The following ZER1 variants were observed in gnomAD, a reference collection of about 807,000 sequenced individuals.
The protein encoded by ZER1 is protein zer-1 homolog.
ZER1 carries 11 observed loss-of-function variants against 78.8 expected under a neutral mutation model. The ratio of observed to expected loss-of-function variants is 0.14; its 90% CI spans 0.09 to 0.23. ZER1 has a LOEUF of 0.23. Ranked by LOEUF, ZER1 falls within the 10% of genes least tolerant of loss-of-function variation. The pLI is 1.00. For synonymous variants in ZER1, 400 were observed against 407.0 expected (o/e 0.98, Z 0.21); for missense variants, 588 against 996.9 (o/e 0.59, Z 5.52).
intron 1 of ZER1, among the ~76,000 whole-genome samples, chr9:128,757,598 A>C (rs562724892): frequency 5.7e-4 from 87 of 152,306 alleles, no homozygotes; most frequent in Non-Finnish European, 9.4e-4. Flanking sequence ...AAACATGTGA[A>C]AAGCACTCAG....
At chr9:128,744,789 T>A (rs1228305797) in intron 8 of ZER1, among the ~76,000 whole-genome samples, 2 of 152,222 alleles carry the variant, frequency 1.3e-5, no homozygotes, top group East Asian at 3.8e-4. Context: ...GGCCCCCGCT[T>A]TTTATAGAGA....
chr9:128,734,144 A>T (rs866614541), intron 14 of ZER1, among the ~76,000 whole-genome samples: 1,441 of 14,084 alleles, frequency 0.1, 416 homozygotes, highest in South Asian at 0.3. Context: ...AAAAAAAAAA[A>T]ATATATATAT....
intron 1 of ZER1, among the ~76,000 whole-genome samples, chr9:128,760,214 T>G (rs764459429): frequency 6.6e-6 from 1 of 151,304 alleles, no homozygotes; most frequent in Non-Finnish European, 1.5e-5. Context: ...AAGTTTTTTA[T>G]TTTTTTGAGA....
In ZER1 at chr9:128,732,532, G is replaced by C. The variant is rs1589510381; in HGVS notation, c.2243+894C>G. Among the ~76,000 whole-genome samples, 1 of 152,248 alleles carries C rather than the reference G, an allele frequency of 6.6e-6. No individual in the cohort carries two copies. Among genetic ancestry groups the C allele is most frequent in the South Asian group, 2.1e-4 (1 of 4,824 alleles). ...TTACAGGCACGTACCACCACGCCGA[G>C]CTAATTTTTGTATTTTTAGTAGAGA... On this transcript the variant is annotated intron_variant, in intron 15 of 15. Coordinates refer to ENST00000291900, the MANE Select transcript of ZER1 (RefSeq NM_006336.4). The surrounding 1 kb of genome is among the most constrained non-coding windows in gnomAD (Gnocchi z 4.8).
chr9:128,751,070 A>C lies in ZER1; in HGVS notation c.1185+52T>G. 1 of 1,539,248 alleles carries C rather than the reference A, an allele frequency of 6.5e-7. No individual in the cohort carries two copies. The highest frequency in any genetic ancestry group is 8.8e-7 in the Non-Finnish European group (1 of 1,140,200). On this transcript the variant is annotated intron_variant, in intron 7 of 15. Coordinates refer to ENST00000291900, the MANE Select transcript of ZER1 (RefSeq NM_006336.4). This position sits in a 1 kb window ranked among gnomAD's most constrained non-coding sequence, Gnocchi z 5.4. ...GGGACACGGCTCAGCCAAGCCCGGC[A>C]ACCTCCAGGTGGGGAGGGACAGGAG... is the stretch of plus-strand genomic sequence containing the variant.
chr9:128,731,988 C>T (rs1327874989), intron 15 of ZER1, among the ~76,000 whole-genome samples: 1 of 152,212 alleles, frequency 6.6e-6, no homozygotes, highest in African/African-American at 2.4e-5. Context: ...TCACCTTGGA[C>T]CCCGGACAGC....
At chr9:128,766,838 T>C (rs1294268119) in intron 1 of ZER1, among the ~76,000 whole-genome samples, 8 of 80,248 alleles carry the variant, frequency 1.0e-4, no homozygotes, top group Admixed American at 1.8e-4. Context: ...AGAGCAAGAT[T>C]CCGTCTCAAA....
In ZER1 at chr9:128,755,045, C is replaced by T. The variant is rs1403326738; in HGVS notation, c.158+363G>A. Among the ~76,000 whole-genome samples the T allele has an allele frequency of 6.6e-6, 1 of 152,206 alleles. No homozygotes were observed. Among genetic ancestry groups the T allele is most frequent in the Non-Finnish European group, 1.5e-5 (1 of 68,022 alleles). On this transcript the variant is annotated intron_variant, in intron 2 of 15. Transcript: ENST00000291900. This position sits in a 1 kb window ranked among gnomAD's most constrained non-coding sequence, Gnocchi z 5.6. ...GTATGTGCATGTGAATGTACATACA[C>T]GTGTGGGGCAACACTTAATTCCTTC...
chr9:128,741,903 C>A (rs1863311337), intron 9 of ZER1, 62 bp from the exon 10 acceptor site: 4 of 1,609,638 alleles, frequency 2.5e-6, no homozygotes, highest in Non-Finnish European at 3.4e-6. Flanking sequence ...CCCCCACGAA[C>A]CCAAGATGGA....
At chr9:128,741,385 TG>T in intron 11 of ZER1, 149 bp downstream of exon 11, 1 of 1,210,872 alleles carries the variant, frequency 8.3e-7, no homozygotes, top group Non-Finnish European at 1.2e-6. Context: ...CAGCAAATCC[TG>T]GGTGGGTGGG....
rs562210533 is a variant in ZER1 at position 128,751,949 on chromosome 9, T to C, written c.924-422A>G. Among the ~76,000 whole-genome samples, 2 of 152,338 alleles carry C rather than the reference T, an allele frequency of 1.3e-5. No individual in the cohort carries two copies. Among genetic ancestry groups the C allele is most frequent in the African/African-American group, 2.4e-5 (1 of 41,586 alleles). ...CCGACCTATGTCCAGCAATACTCCA[T>C]AGGTGGCAGACACTGCCAGCCTTGC... On this transcript the variant is annotated intron_variant, in intron 5 of 15. Transcript: ENST00000291900. This position sits in a 1 kb window ranked among gnomAD's most constrained non-coding sequence, Gnocchi z 5.4.
chr9:128,741,690 G>GT, intron 10 of ZER1, 36 bp from the exon 11 acceptor site: 1 of 1,614,050 alleles, frequency 6.2e-7, no homozygotes. Flanking sequence ...CAAGGCTCCT[G>GT]GTACCCGGGG....
At chr9:128,757,306 C>T (rs1379559906) in intron 1 of ZER1, among the ~76,000 whole-genome samples, 1 of 151,978 alleles carries the variant, frequency 6.6e-6, no homozygotes, top group Non-Finnish European at 1.5e-5. Flanking sequence ...ATTGCTTGAG[C>T]CCAGGAGTTC....
intron 1 of ZER1, among the ~76,000 whole-genome samples, chr9:128,767,830 T>C (rs940695332): frequency 6.6e-5 from 10 of 152,160 alleles, no homozygotes; most frequent in Non-Finnish European, 1.2e-4. Flanking sequence ...GCCACAGCAT[T>C]GAAAGCTTCC....
chr9:128,755,979 C>A lies in ZER1; in HGVS notation c.-94-320G>T, dbSNP rs1316318627. On this transcript the variant is annotated intron_variant, in intron 1 of 15. Coordinates refer to ENST00000291900, the MANE Select transcript of ZER1 (RefSeq NM_006336.4). The surrounding 1 kb of genome is among the most constrained non-coding windows in gnomAD (Gnocchi z 5.6). ...GCTTCCCACAGTCTGAAGAGCTACACTGGGGTGTTCCATGCTGTGCAGTAC... is the reference window on the plus strand; with the variant it reads ...GCTTCCCACAGTCTGAAGAGCTACAATGGGGTGTTCCATGCTGTGCAGTAC... Among the ~76,000 whole-genome samples the A allele has an allele frequency of 6.6e-6, 1 of 152,196 alleles. No individual in the cohort carries two copies. The highest frequency in any genetic ancestry group is 1.5e-5 in the Non-Finnish European group (1 of 68,040).
At chr9:128,763,912 G>A (rs1332665688) in intron 1 of ZER1, among the ~76,000 whole-genome samples, 3 of 152,046 alleles carry the variant, frequency 2.0e-5, no homozygotes, top group Non-Finnish European at 2.9e-5. Flanking sequence ...GCTTGAACCC[G>A]GGAGGCGGAG....
chr9:128,761,254 C>G (rs576265481), intron 1 of ZER1, among the ~76,000 whole-genome samples: 1 of 151,904 alleles, frequency 6.6e-6, no homozygotes, highest in Non-Finnish European at 1.5e-5. Flanking sequence ...AGTCCCAGCC[C>G]AACAGACTAA....
At chr9:128,733,576 C>T in intron 14 of ZER1, 48 bp from the exon 15 acceptor site, 1 of 1,550,228 alleles carries the variant, frequency 6.5e-7, no homozygotes, top group Non-Finnish European at 8.8e-7. Context: ...GTCTTCTTAT[C>T]AGCCCGAGGC....
At chr9:128,770,773 C>T (rs942791431) in intron 1 of ZER1, among the ~76,000 whole-genome samples, 1 of 152,194 alleles carries the variant, frequency 6.6e-6, no homozygotes, top group Non-Finnish European at 1.5e-5. Context: ...CTTTTATGCT[C>T]ATCCTAACCA....
Sources: allele counts gnomAD v4.1 joint callset (sites outside exome capture counted in the v4.1 genomes callset), GRCh38; gene constraint gnomAD v4.1.1; non-coding constraint Gnocchi (gnomAD v3.1); transcripts MANE v1.5; gene names NCBI Gene and HGNC (gene_info 2026-07-23, HGNC 2026-07-21).